ZNF529: variants seen among roughly 807,000 people sequenced by gnomAD.
ZNF529 encodes the protein zinc finger protein 529.
Under a neutral mutation model 10.1 loss-of-function variants are expected in ZNF529, and 11 were observed. The observed-to-expected ratio is 1.09, with a 90% CI of 0.69 to 1.81. The LOEUF (loss-of-function observed/expected upper bound fraction) is 1.81. ZNF529 is among the 40% of genes most tolerant of loss of function. ZNF529 has a pLI of 0.00. For missense variants in ZNF529, 624 were observed against 666.8 expected, an observed-to-expected ratio of 0.94 and a Z score of 0.71; for synonymous variants, 204 against 215.7, an observed-to-expected ratio of 0.95 and a Z score of 0.47.
chr19:36,554,620 T>A, intron 4 of ZNF529, 50 bp downstream of exon 4: 2 of 1,394,544 alleles, frequency 1.4e-6, no homozygotes, highest in Non-Finnish European at 1.9e-6. Flanking sequence ...TGAATATCAG[T>A]TGATAGTCTA....
rs1600232364 is a variant in ZNF529, at chr19:36,545,644, G to GAA, written c.*1220_*1221dup. Reference sequence around the variant, plus strand: ...GTTAAATGAGATTAGTTAAACCAAAGAAGGTCTGCTGATTGTTGAAATGCC... The same window carrying GAA: ...GTTAAATGAGATTAGTTAAACCAAAGAAAAGGTCTGCTGATTGTTGAAATGCC... On this transcript the variant is annotated 3_prime_UTR_variant, in exon 5 of 5. Coordinates refer to ENST00000591340, the MANE Select transcript of ZNF529 (RefSeq NM_020951.5). 1 of 152,108 alleles carries GAA rather than the reference G, an allele frequency of 6.6e-6. No homozygotes were observed. Among genetic ancestry groups the GAA allele is most frequent in the East Asian group, 1.9e-4 (1 of 5,204 alleles). The allele number at this position is 152,108 out of a possible 1,614,324, so 9.4% of individuals were successfully genotyped here. A position where few individuals can be genotyped will look rare whatever the true frequency, so the allele number is the denominator to read the frequency against.
intron 1 of ZNF529, among the ~76,000 whole-genome samples, chr19:36,603,966 G>T (rs1406375784): frequency 2.0e-5 from 3 of 152,134 alleles, no homozygotes; most frequent in Non-Finnish European, 2.9e-5. Context: ...GATCACCTGA[G>T]GTCAGGAGTT....
intron 4 of ZNF529, among the ~76,000 whole-genome samples, chr19:36,549,073 A>G (rs534751276): frequency 3.3e-5 from 5 of 152,144 alleles, no homozygotes; most frequent in Non-Finnish European, 7.4e-5. Flanking sequence ...CAAATTTCCT[A>G]TCATTTAGAG....
intron 2 of ZNF529, among the ~76,000 whole-genome samples, chr19:36,570,276 C>A (rs1048362734): frequency 8.7e-5 from 13 of 150,224 alleles, no homozygotes; most frequent in African/African-American, 3.2e-4. Context: ...TGGGAGGATC[C>A]CTTGAGGCTG....
intron 1 of ZNF529, among the ~76,000 whole-genome samples, chr19:36,600,932 G>C (rs1423304596): frequency 1.3e-5 from 2 of 152,070 alleles, no homozygotes; most frequent in South Asian, 4.1e-4. Flanking sequence ...ACAAAAATAG[G>C]CTACAAGCAG....
chr19:36,547,331 C>G lies in ZNF529; in HGVS notation c.1227G>C (p.Leu409=). The stretch of plus-strand genomic sequence containing the variant: ...CAGTATGAATCCTCTGATGTCTAGT[C>G]AGGGATGAACTATTTCTAAAGACCT... The part of the protein sequence containing the change: ...CGKVFRNSSS[L]TRHQRIHTGE... The change falls in exon 5 of 5, where the codon CTG becomes CTC. Residue 409 remains leucine (L), a synonymous_variant. Coordinates refer to ENST00000591340, the MANE Select transcript of ZNF529 (RefSeq NM_020951.5). 7 of 1,613,592 alleles carry G rather than the reference C, an allele frequency of 4.3e-6. No homozygotes were observed. Among genetic ancestry groups the G allele is most frequent in the Non-Finnish European group, 5.9e-6 (7 of 1,179,878 alleles).
At chr19:36,604,325 T>C (rs2036982200) in intron 1 of ZNF529, among the ~76,000 whole-genome samples, 1 of 152,194 alleles carries the variant, frequency 6.6e-6, no homozygotes, top group Admixed American at 6.5e-5. Flanking sequence ...AACACAGCCT[T>C]GTCCATGTGA....
chr19:36,570,847 A>G (rs950246004), intron 2 of ZNF529, among the ~76,000 whole-genome samples: 2 of 152,192 alleles, frequency 1.3e-5, no homozygotes, highest in African/African-American at 2.4e-5. Flanking sequence ...TCCCTTGCAG[A>G]TAAGGACTTA....
chr19:36,558,948 T>A (rs1281153088), intron 2 of ZNF529, among the ~76,000 whole-genome samples: 16 of 131,260 alleles, frequency 1.2e-4, no homozygotes, highest in South Asian at 2.3e-4. Flanking sequence ...AAAAAAAAAA[T>A]CCAATTAAAA....
chr19:36,578,361 A>C (rs893298584), intron 2 of ZNF529, among the ~76,000 whole-genome samples: 18 of 113,672 alleles, frequency 1.6e-4, no homozygotes, highest in African/African-American at 6.2e-4. Flanking sequence ...GCTGGAGTGC[A>C]GTGGCGTGAT....
chr19:36,555,490 G>T (rs1418603435), intron 3 of ZNF529, among the ~76,000 whole-genome samples: 1 of 45,560 alleles, frequency 2.2e-5, no homozygotes, highest in Non-Finnish European at 4.3e-5. Context: ...TAGAGACGGG[G>T]TTTCACCTTG....
chr19:36,548,718 A>G (rs1163680032), intron 4 of ZNF529, among the ~76,000 whole-genome samples: 1 of 152,210 alleles, frequency 6.6e-6, no homozygotes, highest in African/African-American at 2.4e-5. Context: ...AACAAGGTGC[A>G]GTTTGTTAAG....
rs1568573388 is a variant in ZNF529, at chr19:36,548,036, C to T, written c.522G>A (p.Lys174=). ...CACAACTGAAGACCTTCTCATATTC[C>T]TTGTATTCATAGGGCTTCTCACTGT... The part of the protein sequence containing the change: ...THDSEKPYEY[K]EYEKVFSCDL... The change falls in exon 5 of 5, where the codon AAG becomes AAA. Residue 174 remains lysine, a synonymous_variant. Transcript: ENST00000591340. 6.2e-7 allele frequency: 1 copy of T among 1,613,762 alleles called. No homozygotes were observed. The highest frequency in any genetic ancestry group is 8.5e-7 in the Non-Finnish European group (1 of 1,179,856).
intron 2 of ZNF529, among the ~76,000 whole-genome samples, chr19:36,570,748 A>C (rs2036075050): frequency 6.6e-6 from 1 of 152,244 alleles, no homozygotes; most frequent in South Asian, 2.1e-4. Flanking sequence ...TCAAGTGCCC[A>C]TCAAAATTAA....
rs554141356 is a variant in ZNF529 at position 36,553,693 on chromosome 19, A to G, written c.235+977T>C. Among the ~76,000 whole-genome samples the G allele has an allele frequency of 2.2e-3, 333 of 152,330 alleles. 1 individual carries two copies. Among genetic ancestry groups the G allele is most frequent in the African/African-American group, 7.9e-3 (327 of 41,572 alleles). On this transcript the variant is annotated intron_variant, in intron 4 of 4. Transcript: ENST00000591340. ...AACAAATCAGGACACACAGTATGTTAAAAGTTCTCCCAGAAGGCAGGTAAG... is the reference window on the plus strand; with the variant it reads ...AACAAATCAGGACACACAGTATGTTGAAAGTTCTCCCAGAAGGCAGGTAAG...
chr19:36,563,222 C>T (rs762140750), intron 2 of ZNF529, among the ~76,000 whole-genome samples: 3 of 151,972 alleles, frequency 2.0e-5, no homozygotes, highest in Admixed American at 6.6e-5. Flanking sequence ...GAGTTCGAGA[C>T]CAGTCTGGCC....
At chr19:36,575,027 A>T (rs1212964150), upstream of ZNF529, 1 of 422,528 alleles carries the variant, frequency 2.4e-6, no homozygotes, top group Admixed American at 2.6e-5. Context: ...GTTTGTATGG[A>T]ATTATAAGAT....
At chr19:36,601,132 G>A (rs2036916588) in intron 1 of ZNF529, among the ~76,000 whole-genome samples, 1 of 150,794 alleles carries the variant, frequency 6.6e-6, no homozygotes, top group African/African-American at 2.4e-5. Flanking sequence ...CACAGGCTGT[G>A]CTTTTTCTGT....
upstream of ZNF529, chr19:36,575,025 G>A (rs1443040459): frequency 4.7e-6 from 2 of 423,076 alleles, no homozygotes; most frequent in Non-Finnish European, 9.5e-6. Context: ...ATGTTTGTAT[G>A]GAATTATAAG....
Sources: gnomAD v4.1 joint callset for allele counts (sites outside exome capture counted in the v4.1 genomes callset) on GRCh38, gnomAD v4.1.1 for gene constraint, MANE v1.5 for transcripts, NCBI Gene and HGNC (gene_info 2026-07-23, HGNC 2026-07-21) for gene names.